The following SNX29 variants were observed in gnomAD, a reference collection of about 807,000 sequenced individuals.
The protein encoded by SNX29 is sorting nexin 29, also known as sorting nexin-29.
In SNX29, 78 loss-of-function variants were observed where a neutral mutation model predicts 102.1. The ratio of observed to expected loss-of-function variants is 0.76; its 90% confidence interval spans 0.64 to 0.92. The LOEUF (loss-of-function observed/expected upper bound fraction) is 0.92, where lower values mean the gene tolerates loss of function less well. Ranked by LOEUF, SNX29 falls within the 40% of genes least tolerant of loss-of-function variation. SNX29 has a pLI of 0.00. For synonymous variants in SNX29, 580 were observed against 414.5 expected (o/e 1.40, Z -4.85); for missense variants, 1,280 against 1,061.7 (o/e 1.21, Z -2.86).
rs559086138 is a variant in SNX29 at position 12,496,393 on chromosome 16, G to A, written c.2178+18534G>A. 7.9e-5 allele frequency among the ~76,000 whole-genome samples: 12 copies of A among 152,118 alleles called. No individual in the cohort carries two copies. In the South Asian group the frequency reaches 2.1e-3, roughly 26 times the overall value. ...AGGCTGGTCTTCCTCTTTATCTCAC[G>A]CTTCCTCGTTGCAACCATTGTGAGG... On this transcript the variant is annotated intron_variant, in intron 19 of 20. Transcript: ENST00000566228.
intron 15 of SNX29, among the ~76,000 whole-genome samples, chr16:12,305,039 G>C (rs543315681): frequency 6.6e-6 from 1 of 152,202 alleles, no homozygotes; most frequent in Non-Finnish European, 1.5e-5. Flanking sequence ...GTTAAAGAGC[G>C]TGCTGTGCCT....
intron 15 of SNX29, among the ~76,000 whole-genome samples, chr16:12,344,835 A>C (rs1412182120): frequency 6.6e-6 from 1 of 152,210 alleles, no homozygotes; most frequent in Non-Finnish European, 1.5e-5. Flanking sequence ...TTGGGAAATC[A>C]ATAGCCGTCC....
intron 15 of SNX29, among the ~76,000 whole-genome samples, chr16:12,329,117 G>C (rs533340306): frequency 1.3e-5 from 2 of 151,584 alleles, no homozygotes; most frequent in African/African-American, 2.4e-5. Flanking sequence ...ACAAAAAATA[G>C]AAAACAAAAT....
intron 18 of SNX29, among the ~76,000 whole-genome samples, chr16:12,404,508 C>G (rs901465272): frequency 1.3e-5 from 2 of 152,156 alleles, no homozygotes; most frequent in African/African-American, 4.8e-5. Flanking sequence ...CTGCTTCCTG[C>G]TTCTCCTGTC....
intron 18 of SNX29, among the ~76,000 whole-genome samples, chr16:12,457,947 G>T (rs1184369393): frequency 6.6e-6 from 1 of 152,224 alleles, no homozygotes; most frequent in Non-Finnish European, 1.5e-5. Flanking sequence ...TTAGAGAGAG[G>T]TGCAGAGAGT....
At chr16:12,322,421 T>A (rs2151179913) in intron 15 of SNX29, among the ~76,000 whole-genome samples, 1 of 152,256 alleles carries the variant, frequency 6.6e-6, no homozygotes, top group East Asian at 1.9e-4. Flanking sequence ...AAGTACAGAG[T>A]CTAGTCCTGG....
chr16:12,339,997 CAGAGAGAAAA>C (rs1329470822), intron 15 of SNX29, among the ~76,000 whole-genome samples: 1 of 152,038 alleles, frequency 6.6e-6, no homozygotes, highest in Non-Finnish European at 1.5e-5. Context: ...TCATCTTGGG[CAGAGAGAAAA>C]AGAGAGATGT....
At chr16:12,449,961 G>T (rs535466011) in intron 18 of SNX29, among the ~76,000 whole-genome samples, 8 of 152,184 alleles carry the variant, frequency 5.3e-5, no homozygotes, top group African/African-American at 1.7e-4. Context: ...GGAGGGACCC[G>T]GTGGGAGACA....
At chr16:12,278,797 C>G (rs1019569912) in intron 15 of SNX29, among the ~76,000 whole-genome samples, 6 of 152,156 alleles carry the variant, frequency 3.9e-5, no homozygotes, top group African/African-American at 1.4e-4. Flanking sequence ...ATTAAAAGAA[C>G]AGTGCACATA....
At position 12,366,645 on chromosome 16, in the gene SNX29, C is replaced by T. The variant is rs113177868; in HGVS notation, c.1899+10366C>T. Among the ~76,000 whole-genome samples, 747 of 152,318 alleles carry T rather than the reference C, an allele frequency of 4.9e-3. 5 individuals carry two copies. Among genetic ancestry groups the T allele is most frequent in the African/African-American group, 0.017 (722 of 41,566 alleles). On this transcript the variant is annotated intron_variant, in intron 16 of 20. Transcript: ENST00000566228. Reference sequence around the variant, plus strand: ...AGAACAGCACTGCCTTTCCCAGGAACTTTGGGCCTCTGCCACCTGGGCTGT... The same window carrying T: ...AGAACAGCACTGCCTTTCCCAGGAATTTTGGGCCTCTGCCACCTGGGCTGT...
At chr16:12,306,736 C>T (rs568767007) in intron 15 of SNX29, among the ~76,000 whole-genome samples, 6 of 152,244 alleles carry the variant, frequency 3.9e-5, no homozygotes, top group African/African-American at 1.4e-4. Flanking sequence ...GCTTCCCCAG[C>T]ACTTTAGAAA....
intron 11 of SNX29, among the ~76,000 whole-genome samples, chr16:12,099,509 C>T (rs1297963264): frequency 2.0e-5 from 3 of 152,162 alleles, no homozygotes; most frequent in Non-Finnish European, 4.4e-5. Context: ...AACAGGGAGG[C>T]TCCAGGGACA....
At chr16:12,529,091 G>T (rs1266917167) in intron 20 of SNX29, among the ~76,000 whole-genome samples, 2 of 152,176 alleles carry the variant, frequency 1.3e-5, no homozygotes, top group African/African-American at 2.4e-5. Flanking sequence ...TTGAAGAATC[G>T]GGAGGTTGAG....
chr16:12,290,502 A>G (rs1276004622), intron 15 of SNX29, among the ~76,000 whole-genome samples: 1 of 152,124 alleles, frequency 6.6e-6, no homozygotes, highest in African/African-American at 2.4e-5. Context: ...TCCTCCTAGT[A>G]CGGTGTCGTG....
intron 13 of SNX29, among the ~76,000 whole-genome samples, chr16:12,132,339 A>T (rs1048254392): frequency 6.6e-6 from 1 of 152,134 alleles, no homozygotes; most frequent in African/African-American, 2.4e-5. Flanking sequence ...ACCTCAGGTG[A>T]TCCTCCTGCC....
At chr16:11,982,234 CT>C (rs2055433707) in intron 1 of SNX29, among the ~76,000 whole-genome samples, 2 of 151,998 alleles carry the variant, frequency 1.3e-5, no homozygotes, top group African/African-American at 2.4e-5. Flanking sequence ...GTTTATTTTT[CT>C]TTAAAGAACC....
At chr16:12,308,755 C>T (rs576038825) in intron 15 of SNX29, among the ~76,000 whole-genome samples, 2 of 152,252 alleles carry the variant, frequency 1.3e-5, no homozygotes, top group South Asian at 2.1e-4. Context: ...CCATCAGTTT[C>T]TCAGCTGGAG....
chr16:12,036,863 TTA>T (rs1233553082), intron 4 of SNX29, among the ~76,000 whole-genome samples: 1 of 152,198 alleles, frequency 6.6e-6, no homozygotes, highest in African/African-American at 2.4e-5. Flanking sequence ...AGAAAATTCT[TTA>T]GATTGATTTA....
At chr16:12,563,745 A>C (rs951862130) in intron 20 of SNX29, among the ~76,000 whole-genome samples, 1 of 152,186 alleles carries the variant, frequency 6.6e-6, no homozygotes, top group Non-Finnish European at 1.5e-5. Flanking sequence ...TTCTTTACCC[A>C]ACAGCCACAA....
Sources: gnomAD v4.1 joint callset for allele counts (sites outside exome capture counted in the v4.1 genomes callset) on GRCh38, gnomAD v4.1.1 for gene constraint, MANE v1.5 for transcripts, NCBI Gene and HGNC (gene_info 2026-07-23, HGNC 2026-07-21) for gene names.